DNER: variants seen among roughly 807,000 people sequenced by gnomAD.
DNER encodes delta and Notch-like epidermal growth factor-related receptor.
In DNER, 33 loss-of-function variants were observed where a neutral mutation model predicts 78.2. The ratio of observed to expected loss-of-function variants is 0.42; its 90% CI spans 0.32 to 0.56. The LOEUF is 0.56. DNER is among the 20% of genes least tolerant of loss of function. The pLI, the probability that DNER is intolerant of heterozygous loss-of-function variation, is 0.11. For missense variants in DNER, 918 were observed against 975.3 expected (o/e 0.94, Z 0.78); for synonymous variants, 417 against 384.8 (o/e 1.08, Z -0.98).
intron 1 of DNER, among the ~76,000 whole-genome samples, chr2:229,682,567 G>T (rs1387261418): frequency 6.6e-6 from 1 of 152,192 alleles, no homozygotes; most frequent in Non-Finnish European, 1.5e-5. Context: ...AAGATAAAGG[G>T]CCAGGTGCAG....
intron 11 of DNER, among the ~76,000 whole-genome samples, chr2:229,377,765 C>T (rs79260825): frequency 6.6e-6 from 1 of 152,152 alleles, no homozygotes; most frequent in African/African-American, 2.4e-5. Flanking sequence ...ATTAATTCTA[C>T]CTCATCCCCA....
Position 229,357,954 on chromosome 2 carries a change from T to C in DNER, c.*586A>G, listed in dbSNP as rs1001885432. 1.3e-5 allele frequency: 2 copies of C among 152,552 alleles called. No individual in the cohort carries two copies. Among genetic ancestry groups the C allele is most frequent in the Non-Finnish European group, 2.9e-5 (2 of 68,018 alleles). 9.4% of individuals were successfully genotyped at this position (152,552 alleles called of 1,614,324 possible). ...CCTAGTTCGACGACTGTTACGAAAA[T>C]GACAAAAACAAACTCGAAAGAATGT... On this transcript the variant is annotated 3_prime_UTR_variant, in exon 13 of 13. Coordinates refer to ENST00000341772, the MANE Select transcript of DNER (RefSeq NM_139072.4).
At chr2:229,662,693 C>G (rs751003274) in intron 1 of DNER, among the ~76,000 whole-genome samples, 17 of 152,178 alleles carry the variant, frequency 1.1e-4, no homozygotes, top group Non-Finnish European at 2.4e-4. Flanking sequence ...GCAAAACTCT[C>G]TGGCCTCTGC....
At chr2:229,381,977 C>A (rs2106332868) in intron 11 of DNER, among the ~76,000 whole-genome samples, 1 of 152,326 alleles carries the variant, frequency 6.6e-6, no homozygotes, top group South Asian at 2.1e-4. Flanking sequence ...CAGAGAGACA[C>A]CTCCCAGCAG....
At position 229,418,226 on chromosome 2, in the gene DNER, GTAACCTGA is replaced by G; in HGVS notation, c.1487-4_1490del. On this transcript the variant is annotated splice_acceptor_variant and splice_polypyrimidine_tract_variant and coding_sequence_variant and intron_variant, in exon 9 of 13. Transcript: ENST00000341772. LOFTEE classifies it high-confidence loss of function. ...ATTCCTCCTCACAGTAGAGGCCATG[GTAACCTGA>G]GGGACAGAGAGAAAGGCCCACTGTC... 6.2e-7 allele frequency: 1 copy of G among 1,613,932 alleles called. No individual in the cohort carries two copies. The highest frequency in any genetic ancestry group is 8.5e-7 in the Non-Finnish European group (1 of 1,179,976).
chr2:229,450,759 G>GA (rs981266719), intron 7 of DNER, among the ~76,000 whole-genome samples: 1 of 152,174 alleles, frequency 6.6e-6, no homozygotes, highest in Non-Finnish European at 1.5e-5. Flanking sequence ...AGAGGCCTCA[G>GA]AAAAAATCAA....
intron 10 of DNER, among the ~76,000 whole-genome samples, chr2:229,401,875 TG>T (rs1280894470): frequency 6.6e-6 from 1 of 152,278 alleles, no homozygotes; most frequent in African/African-American, 2.4e-5. Flanking sequence ...TATAATCAAT[TG>T]TTTTCTAACA....
intron 1 of DNER, among the ~76,000 whole-genome samples, chr2:229,630,479 A>AAATAATAAT (rs200043673): frequency 0.026 from 3,552 of 138,990 alleles, 61 homozygotes; most frequent in South Asian, 0.037. Flanking sequence ...CTCCATCTCA[A>AAATAATAAT]AATAATAATA....
At chr2:229,546,737 A>G (rs557291103) in intron 5 of DNER, among the ~76,000 whole-genome samples, 1 of 152,332 alleles carries the variant, frequency 6.6e-6, no homozygotes, top group East Asian at 1.9e-4. Context: ...CCCCATCTCA[A>G]AAACAAAAAG....
intron 5 of DNER, among the ~76,000 whole-genome samples, chr2:229,516,517 G>C (rs1695973979): frequency 6.6e-6 from 1 of 152,160 alleles, no homozygotes; most frequent in Admixed American, 6.5e-5. Flanking sequence ...ACACGGAAAT[G>C]TACTTTTCAA....
intron 10 of DNER, among the ~76,000 whole-genome samples, chr2:229,405,173 A>G (rs567338108): frequency 6.6e-6 from 1 of 152,328 alleles, no homozygotes; most frequent in East Asian, 1.9e-4. Context: ...AGAAGTATTC[A>G]ACCTTACTAT....
At chr2:229,571,966 C>A (rs980066451) in intron 4 of DNER, among the ~76,000 whole-genome samples, 2 of 152,114 alleles carry the variant, frequency 1.3e-5, no homozygotes, top group African/African-American at 4.8e-5. Context: ...GCACCCCCTC[C>A]TCTACTTAAA....
intron 8 of DNER, among the ~76,000 whole-genome samples, chr2:229,431,614 CA>C (rs1419297727): frequency 9.0e-6 from 1 of 111,540 alleles, no homozygotes; most frequent in Non-Finnish European, 1.7e-5. Context: ...AGGAGTTTAA[CA>C]AAAGAGGAGG....
intron 11 of DNER, among the ~76,000 whole-genome samples, chr2:229,382,451 G>A (rs1347434538): frequency 2.0e-5 from 3 of 151,940 alleles, no homozygotes; most frequent in Non-Finnish European, 4.4e-5. Context: ...CCAGAAGGTG[G>A]GTAATAACAA....
intron 5 of DNER, among the ~76,000 whole-genome samples, chr2:229,541,585 C>T (rs1194336570): frequency 1.3e-5 from 2 of 152,058 alleles, no homozygotes; most frequent in African/African-American, 2.4e-5. Context: ...AAATTGTATC[C>T]TCCAGCATAA....
chr2:229,553,741 T>G (rs1302919421), intron 4 of DNER, among the ~76,000 whole-genome samples: 2 of 152,192 alleles, frequency 1.3e-5, no homozygotes, highest in Non-Finnish European at 2.9e-5. Flanking sequence ...GTGGGCCCTG[T>G]ACTGGTTGAG....
chr2:229,497,395 C>G (rs910695324), intron 6 of DNER, among the ~76,000 whole-genome samples: 1 of 151,182 alleles, frequency 6.6e-6, no homozygotes, highest in East Asian at 1.9e-4. Context: ...AGAAGCTAGA[C>G]AAAGAACAAA....
At chr2:229,676,770 C>T (rs976650560) in intron 1 of DNER, among the ~76,000 whole-genome samples, 8 of 152,120 alleles carry the variant, frequency 5.3e-5, no homozygotes, top group Non-Finnish European at 1.2e-4. Context: ...GCAGAAGTCA[C>T]GGTAAGGGTG....
chr2:229,449,876 G>C (rs971850353), intron 7 of DNER, among the ~76,000 whole-genome samples: 1 of 152,096 alleles, frequency 6.6e-6, no homozygotes, highest in Non-Finnish European at 1.5e-5. Flanking sequence ...CTCTGCCTTC[G>C]GGTCAAGCGA....
Sources: gnomAD v4.1 joint callset for allele counts (sites outside exome capture counted in the v4.1 genomes callset) on GRCh38, gnomAD v4.1.1 for gene constraint, MANE v1.5 for transcripts, NCBI Gene and HGNC (gene_info 2026-07-23, HGNC 2026-07-21) for gene names.